CLNK: variants seen among roughly 807,000 people sequenced by gnomAD.
CLNK encodes the protein cytokine-dependent hematopoietic cell linker.
CLNK carries 74 observed loss-of-function variants against 68.6 expected under a neutral mutation model. That is an observed-to-expected ratio of 1.08 (90% CI 0.89 to 1.31). CLNK has a LOEUF of 1.31. Ranked by LOEUF, CLNK falls within the 50% of genes most tolerant of loss-of-function variation. The probability of loss-of-function intolerance (pLI) is 0.00; values close to 1 mark genes in which losing one functional copy is unlikely to be tolerated. For synonymous variants in CLNK, 198 were observed against 172.2 expected, an observed-to-expected ratio of 1.15 and a Z score of -1.17; for missense variants, 553 against 515.3, an observed-to-expected ratio of 1.07 and a Z score of -0.71.
At chr4:10,624,702 C>T (rs1722599566) in intron 2 of CLNK, among the ~76,000 whole-genome samples, 1 of 148,484 alleles carries the variant, frequency 6.7e-6, no homozygotes, top group Non-Finnish European at 1.5e-5. Context: ...TGCCAAGAAG[C>T]ATCATGAAAC....
rs148430091 is a variant in CLNK, at chr4:10,533,488, C to G, written c.603-1205G>C. ...TTGATCTAGAGTTTTAGGAGTCAGG[C>G]TATATCAGGATTCCAGAAACACACA... On this transcript the variant is annotated intron_variant, in intron 11 of 18. Coordinates refer to ENST00000226951, the MANE Select transcript of CLNK (RefSeq NM_052964.4). Among the ~76,000 whole-genome samples, 5 of 152,244 alleles carry G rather than the reference C, an allele frequency of 3.3e-5. No homozygotes were observed. In the East Asian group the frequency reaches 9.6e-4, roughly 29 times the overall value.
chr4:10,709,414 G>A, the CLNK span, among the ~76,000 whole-genome samples: 2 of 152,128 alleles, frequency 1.3e-5, no homozygotes, highest in Non-Finnish European at 1.5e-5. Flanking sequence ...TATGAACGAG[G>A]AGACAAAGTC....
intron 2 of CLNK, among the ~76,000 whole-genome samples, chr4:10,656,331 CAAAA>C (rs33941894): frequency 2.3e-3 from 205 of 89,412 alleles, no homozygotes; most frequent in African/African-American, 3.6e-3. Context: ...AATGCCTGAC[CAAAA>C]AAAAAAAAAA....
chr4:10,555,024 T>C (rs1191138641), intron 8 of CLNK, among the ~76,000 whole-genome samples: 1 of 152,232 alleles, frequency 6.6e-6, no homozygotes, highest in Non-Finnish European at 1.5e-5. Flanking sequence ...CCCTTCCTTA[T>C]GTAAAATGAG....
At chr4:10,561,054 G>A (rs779470317) in intron 7 of CLNK, among the ~76,000 whole-genome samples, 3 of 151,738 alleles carry the variant, frequency 2.0e-5, no homozygotes, top group Non-Finnish European at 4.4e-5. Context: ...GCTCCACCAC[G>A]ACCAGCTATT....
chr4:10,563,415 A>C (rs2108821639), intron 7 of CLNK, among the ~76,000 whole-genome samples: 1 of 152,346 alleles, frequency 6.6e-6, no homozygotes, highest in South Asian at 2.1e-4. Context: ...AAAGCCTTTA[A>C]AATGTCTTCA....
At chr4:10,624,202 C>T (rs1159075569) in intron 2 of CLNK, among the ~76,000 whole-genome samples, 1 of 152,208 alleles carries the variant, frequency 6.6e-6, no homozygotes, top group African/African-American at 2.4e-5. Context: ...CTTTGCTGAA[C>T]CCTCACCTCA....
chr4:10,590,530 T>G (rs1001625567), intron 3 of CLNK, among the ~76,000 whole-genome samples: 1 of 152,142 alleles, frequency 6.6e-6, no homozygotes, highest in Non-Finnish European at 1.5e-5. Flanking sequence ...AGTCCAGAAT[T>G]CAGCAGCGAA....
chr4:10,663,652 T>A (rs1018789739), intron 2 of CLNK, among the ~76,000 whole-genome samples: 10 of 152,200 alleles, frequency 6.6e-5, no homozygotes, highest in Non-Finnish European at 1.0e-4. Context: ...ACATATACAA[T>A]ATATATTTCT....
At chr4:10,494,957 C>T (rs544817519) in intron 18 of CLNK, among the ~76,000 whole-genome samples, 76 of 151,634 alleles carry the variant, frequency 5.0e-4, no homozygotes, top group African/African-American at 1.6e-3. Flanking sequence ...GAACTGTGGG[C>T]GATGTTTCCT....
At chr4:10,624,090 G>A (rs1188727834) in intron 2 of CLNK, among the ~76,000 whole-genome samples, 9 of 152,208 alleles carry the variant, frequency 5.9e-5, no homozygotes, top group African/African-American at 1.9e-4. Context: ...TCTCTAGGTG[G>A]AAAAGCAAAT....
intron 2 of CLNK, among the ~76,000 whole-genome samples, chr4:10,628,043 C>T (rs1417494963): frequency 6.6e-6 from 1 of 152,234 alleles, no homozygotes; most frequent in African/African-American, 2.4e-5. Flanking sequence ...TGGATAACAG[C>T]CTTTTAACTG....
chr4:10,564,966 C>G (rs531996455), intron 6 of CLNK, among the ~76,000 whole-genome samples, 189 bp from the exon 7 acceptor site: 14 of 152,186 alleles, frequency 9.2e-5, no homozygotes, highest in African/African-American at 2.9e-4. Flanking sequence ...TCAGTGCACA[C>G]AAAAAAATGC....
At chr4:10,631,178 G>C (rs888052051) in intron 2 of CLNK, among the ~76,000 whole-genome samples, 2 of 152,138 alleles carry the variant, frequency 1.3e-5, no homozygotes, top group Non-Finnish European at 2.9e-5. Flanking sequence ...GGTCAGCCCC[G>C]AAGAGCTCTA....
intron 2 of CLNK, among the ~76,000 whole-genome samples, chr4:10,666,369 C>T (rs752853422): frequency 2.0e-4 from 31 of 152,336 alleles, no homozygotes; most frequent in Admixed American, 4.6e-4. Flanking sequence ...CCATTTGCCA[C>T]GTTTATCCCC....
chr4:10,637,085 C>A (rs933407903), intron 2 of CLNK, among the ~76,000 whole-genome samples: 1 of 152,122 alleles, frequency 6.6e-6, no homozygotes, highest in East Asian at 1.9e-4. Context: ...AAGAAGGACA[C>A]GAGAAGAGCA....
intron 8 of CLNK, among the ~76,000 whole-genome samples, chr4:10,544,392 C>T (rs1214534253): frequency 6.6e-6 from 1 of 152,052 alleles, no homozygotes; most frequent in Non-Finnish European, 1.5e-5. Context: ...GGGTATAACA[C>T]CAACAAATAA....
Position 10,489,273 on chromosome 4 carries a change from C to T in CLNK, c.*1194G>A, listed in dbSNP as rs1344940174. 6.6e-6 allele frequency: 1 copy of T among 152,154 alleles called. No individual in the cohort carries two copies. Among genetic ancestry groups the T allele is most frequent in the East Asian group, 1.9e-4 (1 of 5,196 alleles). The allele number at this position is 152,154 out of a possible 1,614,324, so 9.4% of individuals were successfully genotyped here. On this transcript the variant is annotated 3_prime_UTR_variant, in exon 19 of 19. Coordinates refer to ENST00000226951, the MANE Select transcript of CLNK (RefSeq NM_052964.4). ...AATAATAAAATTAAATCCTCTTAAC[C>T]TCTACAGGGAATAATATCATGGCCT... is the stretch of plus-strand genomic sequence containing the variant.
At chr4:10,506,320 G>A (rs1256943384) in intron 17 of CLNK, among the ~76,000 whole-genome samples, 1 of 152,178 alleles carries the variant, frequency 6.6e-6, no homozygotes, top group Non-Finnish European at 1.5e-5. Flanking sequence ...TTACTTCTGA[G>A]AGGATGTATT....
Sources: allele counts gnomAD v4.1 joint callset (sites outside exome capture counted in the v4.1 genomes callset), GRCh38; gene constraint gnomAD v4.1.1; transcripts MANE v1.5; gene names NCBI Gene and HGNC (gene_info 2026-07-23, HGNC 2026-07-21).